Variants in RHOBTB1 observed in about 807,000 individuals in gnomAD.
RHOBTB1 encodes the protein rho-related BTB domain-containing protein 1.
In RHOBTB1, 40 loss-of-function variants were observed where a neutral mutation model predicts 71.6. The observed-to-expected ratio is 0.56, with a 90% CI of 0.43 to 0.73. The LOEUF (loss-of-function observed/expected upper bound fraction) is 0.73. RHOBTB1 is among the 30% of genes least tolerant of loss of function. The pLI, the probability that RHOBTB1 is intolerant of heterozygous loss-of-function variation, is 0.00. For missense variants in RHOBTB1, 797 were observed against 894.0 expected (o/e 0.89, Z 1.38); for synonymous variants, 319 against 334.9 (o/e 0.95, Z 0.52).
chr10:60,932,576 C>T (rs551536301), intron 2 of RHOBTB1, among the ~76,000 whole-genome samples: 46 of 150,534 alleles, frequency 3.1e-4, no homozygotes, highest in Non-Finnish European at 4.9e-4. Context: ...GAGGCCCTAT[C>T]GTCCTCATGG....
rs200317222 is a variant in RHOBTB1 at position 60,878,037 on chromosome 10, T to C, written c.1597A>G (p.Lys533Glu). 23 of 1,612,118 alleles carry C rather than the reference T, an allele frequency of 1.4e-5. No individual in the cohort carries two copies. In the Admixed American group the frequency reaches 2.5e-4, roughly 18 times the overall value. The change falls in exon 8 of 11, where the codon AAG becomes GAG. Residue 533 changes from lysine to glutamate, a missense_variant. This residue lies in a region of RHOBTB1 where 658 missense variants were observed against 681.5 expected (regional missense o/e 0.97). Coordinates refer to ENST00000337910, the MANE Select transcript of RHOBTB1 (RefSeq NM_014836.5). Reference protein sequence around the residue: ...NSEVYLPNINKISMQAVLDYL... With the variant: ...NSEVYLPNINEISMQAVLDYL... ...TCCAATACTGCTTGCATTGATATCTTGTTTATGTTCGGGAGATACACCTGA... is the reference window on the plus strand; with the variant it reads ...TCCAATACTGCTTGCATTGATATCTCGTTTATGTTCGGGAGATACACCTGA...
At chr10:60,882,590 T>C (rs1420816875) in intron 7 of RHOBTB1, among the ~76,000 whole-genome samples, 5 of 149,980 alleles carry the variant, frequency 3.3e-5, no homozygotes, top group Middle Eastern at 6.8e-3. Flanking sequence ...CTATTAATTC[T>C]CCAAAAAAGG....
intron 2 of RHOBTB1, among the ~76,000 whole-genome samples, chr10:60,928,479 T>A (rs1589334704): frequency 6.6e-6 from 1 of 151,864 alleles, no homozygotes; most frequent in Non-Finnish European, 1.5e-5. Flanking sequence ...ACAACATGGA[T>A]GGAACTGGAG....
At chr10:60,996,413 T>C (rs2087051319) in intron 1 of RHOBTB1, among the ~76,000 whole-genome samples, 1 of 152,178 alleles carries the variant, frequency 6.6e-6, no homozygotes. Context: ...CTACTGCTCT[T>C]TAAGGCCTAG....
intron 5 of RHOBTB1, among the ~76,000 whole-genome samples, chr10:60,890,165 T>C (rs1362497919): frequency 1.3e-5 from 2 of 152,152 alleles, no homozygotes; most frequent in Non-Finnish European, 2.9e-5. Context: ...ATGATCCACT[T>C]CCTACAGCTC....
chr10:60,965,822 C>T (rs1294210149), intron 2 of RHOBTB1, among the ~76,000 whole-genome samples: 1 of 152,094 alleles, frequency 6.6e-6, no homozygotes, highest in African/African-American at 2.4e-5. Context: ...TCATTTTCTG[C>T]TAACCTCAGG....
At chr10:60,920,540 A>G (rs1460406359) in intron 2 of RHOBTB1, among the ~76,000 whole-genome samples, 1 of 151,838 alleles carries the variant, frequency 6.6e-6, no homozygotes, top group East Asian at 1.9e-4. Flanking sequence ...TTCAGGCCAT[A>G]GTCAGGAGTT....
At chr10:60,928,771 A>G (rs1351615326) in intron 2 of RHOBTB1, among the ~76,000 whole-genome samples, 8 of 152,214 alleles carry the variant, frequency 5.3e-5, no homozygotes, top group Non-Finnish European at 1.2e-4. Context: ...AAAATAACTA[A>G]GAGTGAAATT....
chr10:60,931,942 G>A (rs1424557650), intron 2 of RHOBTB1, among the ~76,000 whole-genome samples: 4 of 152,048 alleles, frequency 2.6e-5, no homozygotes, highest in South Asian at 2.1e-4. Context: ...GAATACTTAT[G>A]GTAACTGAAA....
At chr10:60,901,018 G>A (rs910741911) in intron 4 of RHOBTB1, among the ~76,000 whole-genome samples, 1 of 152,164 alleles carries the variant, frequency 6.6e-6, no homozygotes, top group South Asian at 2.1e-4. Flanking sequence ...AAATGGACAG[G>A]TTACTTTCAG....
intron 9 of RHOBTB1, among the ~76,000 whole-genome samples, chr10:60,872,841 T>A (rs1012224188): frequency 2.6e-5 from 4 of 152,096 alleles, no homozygotes; most frequent in African/African-American, 9.7e-5. Context: ...TTCTAAGCAA[T>A]GCTCAGGAAG....
chr10:60,919,426 A>C (rs1383929789), intron 2 of RHOBTB1, among the ~76,000 whole-genome samples: 1 of 152,230 alleles, frequency 6.6e-6, no homozygotes, highest in African/African-American at 2.4e-5. Context: ...TTTAATCAGC[A>C]GTTGTAGGTA....
At chr10:60,973,389 C>G (rs2086223321) in intron 2 of RHOBTB1, among the ~76,000 whole-genome samples, 1 of 152,056 alleles carries the variant, frequency 6.6e-6, no homozygotes, top group Non-Finnish European at 1.5e-5. Context: ...AGAAAACTGT[C>G]CATCGTCTTC....
chr10:60,920,995 C>G (rs960824575), intron 2 of RHOBTB1, among the ~76,000 whole-genome samples: 2 of 149,116 alleles, frequency 1.3e-5, no homozygotes, highest in African/African-American at 5.0e-5. Flanking sequence ...CCTTGTTGCC[C>G]AAGCTGGAGT....
At chr10:60,894,470 ATGTCT>A (rs1346229218) in intron 4 of RHOBTB1, among the ~76,000 whole-genome samples, 5 of 152,206 alleles carry the variant, frequency 3.3e-5, no homozygotes, top group African/African-American at 4.8e-5. Context: ...AAAAGGAAAC[ATGTCT>A]TGTCTTTGGG....
upstream of RHOBTB1, among the ~76,000 whole-genome samples, chr10:60,948,597 A>G (rs189886581): frequency 6.5e-4 from 99 of 152,342 alleles, 1 homozygote; most frequent in Middle Eastern, 6.8e-3. Context: ...GTCATTGGCT[A>G]TTTAGGAGAA....
chr10:60,948,461 A>G (rs1419897454), upstream of RHOBTB1, among the ~76,000 whole-genome samples: 1 of 151,672 alleles, frequency 6.6e-6, no homozygotes. Context: ...GAGCCTTGTG[A>G]CAGGTGCAGA....
chr10:60,999,439 T>A (rs2135061338), intron 1 of RHOBTB1, among the ~76,000 whole-genome samples: 1 of 152,322 alleles, frequency 6.6e-6, no homozygotes, highest in Non-Finnish European at 1.5e-5. Flanking sequence ...TACTCTAGGA[T>A]GTCGGTAAAC....
intron 2 of RHOBTB1, among the ~76,000 whole-genome samples, chr10:60,935,397 G>A (rs1173165874): frequency 6.6e-6 from 1 of 152,016 alleles, no homozygotes; most frequent in African/African-American, 2.4e-5. Context: ...TTTAGGTGCT[G>A]GTTATGTGAG....
Sources: gnomAD v4.1 joint callset for allele counts (sites outside exome capture counted in the v4.1 genomes callset) on GRCh38, gnomAD v4.1.1 for gene constraint, gnomAD v4.1.1 regional missense constraint, MANE v1.5 for transcripts, NCBI Gene and HGNC (gene_info 2026-07-23, HGNC 2026-07-21) for gene names.